Variants in ZNF106 observed in about 807,000 individuals in gnomAD.
The protein encoded by ZNF106 is zinc finger protein 106, also known as SH3-domain binding protein 3.
Under a neutral mutation model 195.1 loss-of-function variants are expected in ZNF106, and 67 were observed. The ratio of observed to expected loss-of-function variants is 0.34; its 90% CI spans 0.28 to 0.42. The LOEUF (loss-of-function observed/expected upper bound fraction) is 0.42, where lower values mean the gene tolerates loss of function less well. Ranked by LOEUF, ZNF106 falls within the 10% of genes least tolerant of loss-of-function variation. The probability of loss-of-function intolerance (pLI) is 1.00; values close to 1 mark genes in which losing one functional copy is unlikely to be tolerated. For synonymous variants in ZNF106, 784 were observed against 818.6 expected (o/e 0.96, Z 0.72); for missense variants, 2,118 against 2,304.5 (o/e 0.92, Z 1.66).
chr15:42,426,359 C>G (rs534527298), intron 15 of ZNF106, among the ~76,000 whole-genome samples: 2 of 151,790 alleles, frequency 1.3e-5, no homozygotes, highest in East Asian at 3.9e-4. Flanking sequence ...CATCATTTTG[C>G]CTCAAGATTG....
At chr15:42,457,542 G>A in intron 3 of ZNF106, 1 of 1,067,222 alleles carries the variant, frequency 9.4e-7, no homozygotes, top group South Asian at 3.3e-5. Flanking sequence ...CAGAAGGCCT[G>A]GTGACAGCGC....
intron 2 of ZNF106, among the ~76,000 whole-genome samples, chr15:42,466,590 A>C (rs1291312450): frequency 6.6e-6 from 1 of 152,244 alleles, no homozygotes; most frequent in Non-Finnish European, 1.5e-5. Context: ...GCATTTGTTG[A>C]ATGAATATAG....
chr15:42,459,866 C>T (rs142064215), intron 3 of ZNF106, among the ~76,000 whole-genome samples: 40 of 151,764 alleles, frequency 2.6e-4, no homozygotes, highest in African/African-American at 8.9e-4. Flanking sequence ...CGGTGAAACC[C>T]CATCTCTACT....
At chr15:42,467,507 C>T (rs973453947) in intron 2 of ZNF106, among the ~76,000 whole-genome samples, 3 of 152,022 alleles carry the variant, frequency 2.0e-5, no homozygotes, top group Non-Finnish European at 2.9e-5. Flanking sequence ...AATATTCAGT[C>T]TTGGCCGGGC....
rs760150270 is a variant in ZNF106, at chr15:42,442,062, A to G, written c.3763+11T>C. The stretch of plus-strand genomic sequence containing the variant: ...CTGGGATGCCCTTAACCCAGAGAAA[A>G]GCTTACATACTATTAGCTTCCAGTA... On this transcript the variant is annotated intron_variant, in intron 10 of 21. Coordinates refer to ENST00000564754, the MANE Select transcript of ZNF106 (RefSeq NM_001366845.3). 6.3e-7 allele frequency: 1 copy of G among 1,592,362 alleles called. No homozygotes were observed. The highest frequency in any genetic ancestry group is 8.6e-7 in the Non-Finnish European group (1 of 1,168,076).
rs1268182087 is a variant in ZNF106 at position 42,450,447 on chromosome 15, G to A, written c.1825C>T (p.Leu609=). 6.2e-7 allele frequency: 1 copy of A among 1,614,100 alleles called. No homozygotes were observed. The highest frequency in any genetic ancestry group is 8.5e-7 in the Non-Finnish European group (1 of 1,180,036). ...SLKIEFQVHA[L]EDESDGETSD... ...GTCTCTCCATCACTTTCATCTTCTAGTGCGTGCACTTGAAACTCAATTTTC... is the reference window on the plus strand; with the variant it reads ...GTCTCTCCATCACTTTCATCTTCTAATGCGTGCACTTGAAACTCAATTTTC... Residue 609 remains leucine (L), a synonymous_variant, in exon 5 of 22, where the codon CTA becomes TTA. Coordinates refer to ENST00000564754, the MANE Select transcript of ZNF106 (RefSeq NM_001366845.3).
chr15:42,418,035 G>A, intron 20 of ZNF106, 84 bp from the exon 21 acceptor site: 1 of 1,368,264 alleles, frequency 7.3e-7, no homozygotes, highest in Non-Finnish European at 9.7e-7. Flanking sequence ...GATCCCATAA[G>A]CACTATGGAA....
At chr15:42,484,807 T>A (rs1337985773) in intron 1 of ZNF106, among the ~76,000 whole-genome samples, 1 of 152,024 alleles carries the variant, frequency 6.6e-6, no homozygotes, top group Admixed American at 6.6e-5. Context: ...CAATAATCTT[T>A]CTGAACTAAA....
At chr15:42,429,307 T>TGC (rs2054970489) in intron 14 of ZNF106, among the ~76,000 whole-genome samples, 2 of 151,382 alleles carry the variant, frequency 1.3e-5, no homozygotes, top group South Asian at 2.1e-4. Flanking sequence ...GGCATGGTGG[T>TGC]GCGTGCTTGT....
At chr15:42,466,389 A>C (rs554947268) in intron 2 of ZNF106, among the ~76,000 whole-genome samples, 1 of 152,354 alleles carries the variant, frequency 6.6e-6, no homozygotes, top group East Asian at 1.9e-4. Flanking sequence ...CAAAACACTT[A>C]AGAGTAAACT....
In ZNF106 at chr15:42,439,627, CCTT is replaced by C; in HGVS notation, c.3947_3949del (p.Glu1316del). On this transcript the variant is annotated inframe_deletion, in exon 11 of 22. Transcript: ENST00000564754. ...ACTATTGCCTTTGGTTGGCTCTTCC[CCTT>C]CTTTATTTATGCTAGAAAGACCAGC... The C allele has an allele frequency of 1.2e-6, 2 of 1,613,810 alleles. No homozygotes were observed. Among genetic ancestry groups the C allele is most frequent in the Non-Finnish European group, 1.7e-6 (2 of 1,179,938 alleles).
chr15:42,431,770 C>T (rs145477537), intron 14 of ZNF106, among the ~76,000 whole-genome samples: 1 of 151,862 alleles, frequency 6.6e-6, no homozygotes, highest in East Asian at 1.9e-4. Flanking sequence ...CCAACCACAG[C>T]CAGCCTAATT....
chr15:42,481,357 G>T (rs112719796), intron 1 of ZNF106, among the ~76,000 whole-genome samples: 16,671 of 108,952 alleles, frequency 0.15, 1,284 homozygotes, highest in African/African-American at 0.25. Context: ...TTTTTTTGTT[G>T]TTTTTTTTTT....
intron 1 of ZNF106, among the ~76,000 whole-genome samples, chr15:42,484,202 T>G (rs2056962410): frequency 6.6e-6 from 1 of 152,230 alleles, no homozygotes. Context: ...CCCCCTTTTG[T>G]TGTAAATATT....
chr15:42,443,694 C>T (rs544457633), intron 9 of ZNF106, among the ~76,000 whole-genome samples: 98 of 151,784 alleles, frequency 6.5e-4, no homozygotes, highest in Non-Finnish European at 1.2e-3. Context: ...CGTGCCACTG[C>T]GCTCCAGCCT....
intron 1 of ZNF106, among the ~76,000 whole-genome samples, chr15:42,473,633 C>G (rs1017855597): frequency 3.3e-5 from 5 of 152,180 alleles, no homozygotes; most frequent in Admixed American, 3.3e-4. Context: ...ATTGCACTTT[C>G]TGACACCCCA....
intron 2 of ZNF106, among the ~76,000 whole-genome samples, chr15:42,467,723 G>C (rs1484255503): frequency 6.6e-6 from 1 of 152,078 alleles, no homozygotes; most frequent in Non-Finnish European, 1.5e-5. Context: ...CAGGAGAATC[G>C]CTTGAACCTG....
At chr15:42,458,714 AC>A (rs1399413806) in intron 3 of ZNF106, among the ~76,000 whole-genome samples, 7 of 151,920 alleles carry the variant, frequency 4.6e-5, no homozygotes, top group Admixed American at 3.3e-4. Flanking sequence ...TCTCAAAAAA[AC>A]AAAAGAAAAA....
At position 42,451,190 on chromosome 15, in the gene ZNF106, T is replaced by C; in HGVS notation, c.1082A>G (p.Asn361Ser). The C allele has an allele frequency of 6.2e-7, 1 of 1,614,126 alleles. No individual in the cohort carries two copies. The highest frequency in any genetic ancestry group is 8.5e-7 in the Non-Finnish European group (1 of 1,180,016). ...DTATSKVSGK[N>S]GSAAREKPRR... is the part of the protein sequence containing the mutation. ...AGGCTTTTCCCTTGCCGCACTGCCA[T>C]TCTTTCCACTAACTTTGGAAGTAGC... is the stretch of plus-strand genomic sequence containing the variant. Residue 361 changes from asparagine to serine, a missense_variant, in exon 5 of 22, where the codon AAT becomes AGT. Coordinates refer to ENST00000564754, the MANE Select transcript of ZNF106 (RefSeq NM_001366845.3).
Sources: gnomAD v4.1 joint callset for allele counts (sites outside exome capture counted in the v4.1 genomes callset) on GRCh38, gnomAD v4.1.1 for gene constraint, MANE v1.5 for transcripts, NCBI Gene and HGNC (gene_info 2026-07-23, HGNC 2026-07-21) for gene names.